ARHGEF7: variants seen among roughly 807,000 people sequenced by gnomAD.
ARHGEF7 encodes the protein PAK-interacting exchange factor beta.
In ARHGEF7, 33 loss-of-function variants were observed where a neutral mutation model predicts 109.8. The ratio of observed to expected loss-of-function variants is 0.30; its 90% CI spans 0.23 to 0.40. ARHGEF7 has a LOEUF of 0.40. Ranked by LOEUF, ARHGEF7 falls within the 10% of genes least tolerant of loss-of-function variation. ARHGEF7 has a pLI of 1.00. For synonymous variants in ARHGEF7, 458 were observed against 424.6 expected, an observed-to-expected ratio of 1.08 and a Z score of -0.97; for missense variants, 938 against 1,098.5, an observed-to-expected ratio of 0.85 and a Z score of 2.07.
chr13:111,243,796 C>A, intron 6 of ARHGEF7, 76 bp from the exon 7 acceptor site: 1 of 903,764 alleles, frequency 1.1e-6, no homozygotes, highest in Non-Finnish European at 1.7e-6. Context: ...TGGCGATGAA[C>A]TGTCCAAAGT....
At chr13:111,138,397 C>G (rs1167471795) in intron 1 of ARHGEF7, among the ~76,000 whole-genome samples, 1 of 152,142 alleles carries the variant, frequency 6.6e-6, no homozygotes, top group Non-Finnish European at 1.5e-5. Context: ...GGGAGGATCA[C>G]TTGAACCCAG....
intron 12 of ARHGEF7, chr13:111,275,970 G>A (rs1378967426): frequency 5.1e-6 from 2 of 391,304 alleles, no homozygotes; most frequent in African/African-American, 4.1e-5. Context: ...GGAGTCCTGT[G>A]CACACATCCG....
intron 8 of ARHGEF7, among the ~76,000 whole-genome samples, chr13:111,245,017 G>A (rs2088541721): frequency 6.6e-6 from 1 of 152,176 alleles, no homozygotes. Flanking sequence ...GAATATGGCA[G>A]ATGAGGCAAA....
chr13:111,276,723 G>A (rs762281719), intron 12 of ARHGEF7, among the ~76,000 whole-genome samples: 3 of 152,192 alleles, frequency 2.0e-5, no homozygotes, highest in Admixed American at 1.3e-4. Context: ...ATAGCAAGTC[G>A]TTCTCAGTGA....
chr13:111,126,398 G>A (rs2067560999), intron 1 of ARHGEF7, among the ~76,000 whole-genome samples: 2 of 151,586 alleles, frequency 1.3e-5, no homozygotes, highest in Admixed American at 1.3e-4. Flanking sequence ...GCTGAGACGG[G>A]AGAATCACCT....
At chr13:111,241,426 C>A in intron 6 of ARHGEF7, 1 of 1,369,272 alleles carries the variant, frequency 7.3e-7, no homozygotes, top group South Asian at 1.3e-5. Context: ...AGTCAGGGAG[C>A]CAGGCCTGGC....
chr13:111,237,411 T>C (rs76523438), intron 6 of ARHGEF7, among the ~76,000 whole-genome samples: 1 of 152,356 alleles, frequency 6.6e-6, no homozygotes, highest in East Asian at 1.9e-4. Flanking sequence ...AGAGAATCTT[T>C]AGTTCTAATG....
chr13:111,114,809 G>A (rs893236062), upstream of ARHGEF7: 7 of 152,166 alleles, frequency 4.6e-5, no homozygotes, highest in East Asian at 1.9e-4. Context: ...GGTTCCTCCC[G>A]ATTCAGACCC....
intron 6 of ARHGEF7, among the ~76,000 whole-genome samples, chr13:111,235,160 C>T (rs1267603271): frequency 6.6e-6 from 1 of 152,152 alleles, no homozygotes. Flanking sequence ...GGGTGTGTTA[C>T]CTTCTGTTAT....
Position 111,303,204 on chromosome 13 carries a change from GCAGGGC to G in ARHGEF7, c.*92_*97del. The G allele has an allele frequency of 1.0e-6, 1 of 998,060 alleles. No individual in the cohort carries two copies. The highest frequency in any genetic ancestry group is 1.4e-6 in the Non-Finnish European group (1 of 709,190). 61.8% of individuals were successfully genotyped at this position (998,060 alleles called of 1,614,324 possible). A position where few individuals can be genotyped will look rare whatever the true frequency, so the allele number is the denominator to read the frequency against. On this transcript the variant is annotated 3_prime_UTR_variant, in exon 22 of 22. Transcript: ENST00000646102. ...GTCGGGGTGCACTCAGGACCACAGG[GCAGGGC>G]TGGGTGGGGCGCCACCTTGCTCTCT...
chr13:111,225,475 G>A (rs1338606447), intron 5 of ARHGEF7, among the ~76,000 whole-genome samples: 20 of 151,776 alleles, frequency 1.3e-4, no homozygotes, highest in Admixed American at 1.3e-3. Flanking sequence ...AGATTTATAG[G>A]GCGTATCTCA....
intron 3 of ARHGEF7, 127 bp from the exon 4 acceptor site, chr13:111,209,745 G>A: frequency 9.6e-7 from 1 of 1,044,650 alleles, no homozygotes; most frequent in Non-Finnish European, 1.3e-6. Context: ...TGCATAAATG[G>A]GCTGCTTTGT....
At chr13:111,213,581 G>A (rs1338267365) in intron 4 of ARHGEF7, among the ~76,000 whole-genome samples, 2 of 152,010 alleles carry the variant, frequency 1.3e-5, no homozygotes, top group African/African-American at 4.8e-5. Flanking sequence ...ATTTTTTTTA[G>A]CAATGGGATT....
intron 8 of ARHGEF7, among the ~76,000 whole-genome samples, chr13:111,261,468 G>A (rs2091082493): frequency 6.6e-6 from 1 of 152,072 alleles, no homozygotes; most frequent in Admixed American, 6.6e-5. Flanking sequence ...TATAAAGCAA[G>A]TATTATTAGA....
chr13:111,189,732 GT>G (rs1389393430), intron 2 of ARHGEF7, among the ~76,000 whole-genome samples: 2 of 151,974 alleles, frequency 1.3e-5, no homozygotes, highest in Admixed American at 6.6e-5. Flanking sequence ...CGATTGGTGC[GT>G]TTTTACAGAG....
chr13:111,223,435 A>T (rs935141690), intron 5 of ARHGEF7, among the ~76,000 whole-genome samples: 2 of 152,238 alleles, frequency 1.3e-5, no homozygotes, highest in African/African-American at 4.8e-5. Context: ...TTGATGTACA[A>T]ATAGTTTTAC....
At chr13:111,172,808 C>T (rs1014490584) in intron 2 of ARHGEF7, among the ~76,000 whole-genome samples, 3 of 152,174 alleles carry the variant, frequency 2.0e-5, no homozygotes, top group Non-Finnish European at 4.4e-5. Flanking sequence ...CGTTGTTGTG[C>T]GACAGCAGCC....
intron 2 of ARHGEF7, among the ~76,000 whole-genome samples, chr13:111,175,091 A>T (rs1040261197): frequency 6.6e-6 from 1 of 152,158 alleles, no homozygotes; most frequent in Admixed American, 6.5e-5. Flanking sequence ...GCCTTCTGGG[A>T]GTGGGACGAG....
intron 19 of ARHGEF7, among the ~76,000 whole-genome samples, chr13:111,296,391 G>A (rs563803432): frequency 5.3e-5 from 8 of 152,136 alleles, no homozygotes; most frequent in South Asian, 2.1e-4. Flanking sequence ...GTCTCCAGTC[G>A]TGTGGCACAC....
Sources: allele counts gnomAD v4.1 joint callset (sites outside exome capture counted in the v4.1 genomes callset), GRCh38; gene constraint gnomAD v4.1.1; transcripts MANE v1.5; gene names NCBI Gene and HGNC (gene_info 2026-07-23, HGNC 2026-07-21).